The following ANKMY1 variants were observed in gnomAD, a reference collection of about 807,000 sequenced individuals.
The protein encoded by ANKMY1 is ankyrin repeat and MYND domain-containing protein 1.
ANKMY1 carries 98 observed loss-of-function variants against 102.0 expected under a neutral mutation model. That is an observed-to-expected ratio of 0.96 (90% CI 0.82 to 1.14). ANKMY1 has a LOEUF of 1.14. Among genes scored for constraint, ANKMY1 ranks in the 50% most tolerant of loss-of-function variants. The probability of loss-of-function intolerance (pLI) is 0.00; values close to 1 mark genes in which losing one functional copy is unlikely to be tolerated. For synonymous variants in ANKMY1, 582 were observed against 559.9 expected (o/e 1.04, Z -0.56); for missense variants, 1,330 against 1,347.6 (o/e 0.99, Z 0.20).
At chr2:240,496,566 T>G (rs1028764406) in intron 15 of ANKMY1, among the ~76,000 whole-genome samples, 7 of 152,198 alleles carry the variant, frequency 4.6e-5, no homozygotes, top group Non-Finnish European at 1.0e-4. Flanking sequence ...GCTTATTTGG[T>G]TAATGACCAG....
intron 4 of ANKMY1, among the ~76,000 whole-genome samples, chr2:240,545,158 A>C (rs1392133526): frequency 1.3e-5 from 2 of 152,222 alleles, no homozygotes; most frequent in Non-Finnish European, 2.9e-5. Context: ...GCAGCTGGAG[A>C]TCTGAGAACG....
Position 240,523,939 on chromosome 2 carries a change from C to T in ANKMY1, c.1778G>A (p.Cys593Tyr), listed in dbSNP as rs773806145. ...GGTCCCTTTGTCGAAGCTGCTGGTG[C>T]ACGGTGAGGGCGAGGCCATCTTCAG... ...SLLKMASPSP[C>Y]TSSFDKGTMR... Residue 593 changes from cysteine to tyrosine, a missense_variant, in exon 8 of 18, where the codon TGC (cysteine) becomes TAC (tyrosine). Physicochemically the swap from Cys to Tyr is radical, Grantham distance 194. Coordinates refer to ENST00000401804, the MANE Select transcript of ANKMY1 (RefSeq NM_001282771.3). 6.2e-7 allele frequency: 1 copy of T among 1,613,782 alleles called. No individual in the cohort carries two copies.
chr2:240,481,159 C>A, intron 16 of ANKMY1, 62 bp from the exon 17 acceptor site: 1 of 1,565,116 alleles, frequency 6.4e-7, no homozygotes, highest in South Asian at 1.2e-5. Flanking sequence ...CACAAACAGC[C>A]GCTGCCTGGG....
chr2:240,520,387 C>A lies in ANKMY1; in HGVS notation c.1979G>T (p.Arg660Met). 3 of 1,579,494 alleles carry A rather than the reference C, an allele frequency of 1.9e-6. No individual in the cohort carries two copies. The highest frequency in any genetic ancestry group is 2.6e-6 in the Non-Finnish European group (3 of 1,162,634). ...GVRLLLEHGA[R>M]TDICFPPQLS... Reference sequence around the variant, plus strand: ...CTGCGGCGGAAAGCAGATGTCGGTCCTCGCCCCGTGCTCCAGCAGCAGCCT... The same window carrying A: ...CTGCGGCGGAAAGCAGATGTCGGTCATCGCCCCGTGCTCCAGCAGCAGCCT... The change falls in exon 9 of 18, where the codon AGG becomes ATG. Residue 660 changes from arginine (R) to methionine (M), a missense_variant. Coordinates refer to ENST00000401804, the MANE Select transcript of ANKMY1 (RefSeq NM_001282771.3). This position sits in a 1 kb window ranked among gnomAD's most constrained non-coding sequence, Gnocchi z 4.8.
rs750673530 is a variant in ANKMY1, at chr2:240,512,876, C to T, written c.2071G>A (p.Glu691Lys). 4.3e-5 allele frequency: 70 copies of T among 1,613,924 alleles called. No individual in the cohort carries two copies. The highest frequency in any genetic ancestry group is 5.6e-5 in the Non-Finnish European group (66 of 1,179,988). Residue 691 changes from glutamate (E) to lysine (K), a missense_variant, in exon 10 of 18, where the codon GAG (glutamate) becomes AAG (lysine). Physicochemically the swap from Glu to Lys is moderately conservative, Grantham distance 56. Transcript: ENST00000401804. ...TCGGTGATGGCATGCAACAGCAGCT[C>T]CACAATCTGTACCCCCTCCTCCCCA... ...LPGEEGVQIV[E>K]LLLHAITDVD...
At chr2:240,492,378 G>A (rs192207632) in intron 15 of ANKMY1, among the ~76,000 whole-genome samples, 5 of 152,230 alleles carry the variant, frequency 3.3e-5, no homozygotes, top group African/African-American at 7.2e-5. Context: ...TTATGTTGTC[G>A]TAAATATCAT....
At chr2:240,542,491 G>A (rs1019779792) in intron 4 of ANKMY1, among the ~76,000 whole-genome samples, 1 of 150,504 alleles carries the variant, frequency 6.6e-6, no homozygotes, top group African/African-American at 2.4e-5. Flanking sequence ...GCAACAGACC[G>A]AGACTCCGTC....
intron 4 of ANKMY1, chr2:240,552,702 A>G: frequency 1.5e-6 from 1 of 675,288 alleles, no homozygotes; most frequent in Non-Finnish European, 2.4e-6. Context: ...ACATGTAACA[A>G]TTTGCTGGTA....
intron 16 of ANKMY1, 24 bp downstream of exon 16, chr2:240,482,159 A>C: frequency 1.2e-6 from 2 of 1,610,396 alleles, no homozygotes; most frequent in Non-Finnish European, 1.7e-6. Context: ...TCCTGGAAAG[A>C]ACCCAGCCTG....
At chr2:240,491,667 G>T (rs1393229260) in intron 15 of ANKMY1, among the ~76,000 whole-genome samples, 1 of 152,174 alleles carries the variant, frequency 6.6e-6, no homozygotes, top group Non-Finnish European at 1.5e-5. Context: ...ATTTATGAAA[G>T]ATAATTTTGC....
chr2:240,542,705 T>C (rs2089250968), intron 4 of ANKMY1, among the ~76,000 whole-genome samples: 1 of 125,776 alleles, frequency 8.0e-6, no homozygotes, highest in Admixed American at 8.9e-5. Flanking sequence ...TATACATGTC[T>C]AGATATGTTT....
intron 4 of ANKMY1, among the ~76,000 whole-genome samples, chr2:240,540,228 A>G (rs2088321914): frequency 6.6e-6 from 1 of 152,146 alleles, no homozygotes; most frequent in Non-Finnish European, 1.5e-5. Context: ...TGTGTTTTCC[A>G]TGTATTGATT....
chr2:240,526,104 G>T, intron 6 of ANKMY1, 125 bp downstream of exon 6: 1 of 1,216,456 alleles, frequency 8.2e-7, no homozygotes, highest in Non-Finnish European at 1.2e-6. Context: ...GTGGAGGTGT[G>T]GACAATCAGT....
chr2:240,529,257 T>A lies in ANKMY1; in HGVS notation c.733A>T (p.Lys245Ter). ...AGGTTGTCATTCAGAAGAAACCGCTTATAGTCATAGAAAAAGGGATCCTGT... is the reference window on the plus strand; with the variant it reads ...AGGTTGTCATTCAGAAGAAACCGCTAATAGTCATAGAAAAAGGGATCCTGT... The part of the protein sequence containing the change: ...EGQDPFFYDY[K>*]RFLLNDNLTL... Residue 245 changes from lysine to a stop codon, truncating the protein, a stop_gained, in exon 5 of 18, where the codon AAG (lysine) becomes TAG (stop). Transcript: ENST00000401804. LOFTEE classifies it high-confidence loss of function. This position sits in a 1 kb window ranked among gnomAD's most constrained non-coding sequence, Gnocchi z 4.2. 1 of 1,614,152 alleles carries A rather than the reference T, an allele frequency of 6.2e-7. No individual in the cohort carries two copies. Among genetic ancestry groups the A allele is most frequent in the Middle Eastern group, 1.6e-4 (1 of 6,062 alleles).
chr2:240,553,436 C>T, intron 3 of ANKMY1: 1 of 243,090 alleles, frequency 4.1e-6, no homozygotes, highest in Non-Finnish European at 8.3e-6. Flanking sequence ...GCCAGGTTCA[C>T]AGGTGACAGG....
intron 4 of ANKMY1, among the ~76,000 whole-genome samples, chr2:240,533,718 A>AACACAC (rs34916770): frequency 0.014 from 2,064 of 145,596 alleles, 20 homozygotes; most frequent in African/African-American, 0.026. Context: ...GATTTCAATA[A>AACACAC]ACACACACAC....
At chr2:240,521,266 G>C (rs1453693663) in intron 8 of ANKMY1, among the ~76,000 whole-genome samples, 3 of 152,236 alleles carry the variant, frequency 2.0e-5, no homozygotes, top group African/African-American at 7.2e-5. Flanking sequence ...GATCGTCCTT[G>C]AGCACTTGAG....
At chr2:240,524,467 C>T (rs1024119209) in intron 7 of ANKMY1, 86 bp from the exon 8 acceptor site, 41 of 1,453,414 alleles carry the variant, frequency 2.8e-5, no homozygotes, top group South Asian at 8.3e-5. Flanking sequence ...GACCAATGCC[C>T]GTGGCCTAGA....
chr2:240,488,355 C>T (rs1243640699), intron 15 of ANKMY1, among the ~76,000 whole-genome samples: 1 of 152,150 alleles, frequency 6.6e-6, no homozygotes, highest in African/African-American at 2.4e-5. Context: ...TCAGTACATG[C>T]TGTTTTGGTT....
Sources: gnomAD v4.1 joint callset for allele counts (sites outside exome capture counted in the v4.1 genomes callset) on GRCh38, gnomAD v4.1.1 for gene constraint, Gnocchi (gnomAD v3.1) non-coding constraint, MANE v1.5 for transcripts, NCBI Gene and HGNC (gene_info 2026-07-23, HGNC 2026-07-21) for gene names.